Variants in FAAH2 observed in about 807,000 individuals in gnomAD.
FAAH2 encodes the protein fatty-acid amide hydrolase 2.
Under a neutral mutation model 36.9 loss-of-function variants are expected in FAAH2, and 60 were observed. The observed-to-expected ratio is 1.63, with a 90% CI of 1.32 to 2.02. The LOEUF (loss-of-function observed/expected upper bound fraction) is 2.02, where lower values mean the gene tolerates loss of function less well. Ranked by LOEUF, FAAH2 falls within the 30% of genes most tolerant of loss-of-function variation. The pLI, the probability that FAAH2 is intolerant of heterozygous loss-of-function variation, is 0.00. For synonymous variants in FAAH2, 214 were observed against 143.8 expected, an observed-to-expected ratio of 1.49 and a Z score of -3.49; for missense variants, 689 against 397.5, an observed-to-expected ratio of 1.73 and a Z score of -6.23.
chrX:57,182,114 C>T, the FAAH2 span, among the ~76,000 whole-genome samples: 25 of 111,431 alleles, frequency 2.2e-4, no homozygotes, highest in South Asian at 6.7e-3. Flanking sequence ...TAAAAACAAA[C>T]GAACAAAGCT....
At chrX:57,196,697 A>T in the FAAH2 span, among the ~76,000 whole-genome samples, 1 of 111,992 alleles carries the variant, frequency 8.9e-6, no homozygotes, top group South Asian at 3.8e-4. Flanking sequence ...TGGATATGCA[A>T]TAGATAGCTT....
At chrX:57,367,894 T>A (rs1196610996) in intron 5 of FAAH2, among the ~76,000 whole-genome samples, 2 of 111,749 alleles carry the variant, frequency 1.8e-5, no homozygotes, top group African/African-American at 3.3e-5. Flanking sequence ...AGAGCCCACA[T>A]TTGCCCCCGT....
At chrX:57,206,660 T>C in the FAAH2 span, among the ~76,000 whole-genome samples, 1 of 112,247 alleles carries the variant, frequency 8.9e-6, no homozygotes, top group African/African-American at 3.2e-5. Context: ...GAATTGTAAA[T>C]GCAAACCATT....
chrX:57,143,669 G>T, the FAAH2 span, among the ~76,000 whole-genome samples: 1 of 110,357 alleles, frequency 9.1e-6, no homozygotes, highest in African/African-American at 3.3e-5. Context: ...GTAGACAGGG[G>T]GTTTCTCCAT....
At chrX:57,261,890 G>A in the FAAH2 span, among the ~76,000 whole-genome samples, 13 of 111,221 alleles carry the variant, frequency 1.2e-4, no homozygotes, top group South Asian at 4.5e-3. Flanking sequence ...GATGTTGCAA[G>A]AAAGAAATTA....
At chrX:57,457,225 A>C (rs1197512934) in intron 10 of FAAH2, among the ~76,000 whole-genome samples, 1 of 111,844 alleles carries the variant, frequency 8.9e-6, no homozygotes, top group Admixed American at 9.5e-5. Context: ...TAGATACACA[A>C]AAAGCCTATA....
At chrX:57,292,922 A>AC (rs1216758329) in intron 2 of FAAH2, among the ~76,000 whole-genome samples, 2 of 110,898 alleles carry the variant, frequency 1.8e-5, no homozygotes, top group Admixed American at 9.6e-5. Flanking sequence ...TAATAGGAGA[A>AC]CCCCCCTACA....
chrX:57,286,693 T>G, upstream of FAAH2: 1 of 618,840 alleles, frequency 1.6e-6, no homozygotes, highest in Non-Finnish European at 2.2e-6. Flanking sequence ...CAAGCTCCTG[T>G]GGAATTGTGG....
intron 7 of FAAH2, among the ~76,000 whole-genome samples, chrX:57,424,697 A>C (rs1339976442): frequency 8.9e-6 from 1 of 112,278 alleles, no homozygotes; most frequent in Admixed American, 9.4e-5. Context: ...TACTCAACAA[A>C]CATTATAGTC....
At position 57,308,887 on chromosome X, in the gene FAAH2, A is replaced by G. The variant is rs2052616477; in HGVS notation, c.276-1706A>G. On this transcript the variant is annotated intron_variant, in intron 2 of 10. Coordinates refer to ENST00000374900, the MANE Select transcript of FAAH2 (RefSeq NM_174912.4). ...GAAGCAACTAAAATCCAGTGAAATGAAAGAGCTTGCATAGTTCACAAAACT... is the reference window on the plus strand; with the variant it reads ...GAAGCAACTAAAATCCAGTGAAATGGAAGAGCTTGCATAGTTCACAAAACT... 2.7e-5 allele frequency among the ~76,000 whole-genome samples: 3 copies of G among 111,961 alleles called. No homozygotes were observed. In the Admixed American group the frequency reaches 2.9e-4, roughly 11 times the overall value.
chrX:57,256,242 A>G, the FAAH2 span, among the ~76,000 whole-genome samples: 1 of 111,734 alleles, frequency 8.9e-6, no homozygotes, highest in Non-Finnish European at 1.9e-5. Flanking sequence ...TTCAAGGAGA[A>G]CTATAAACCA....
chrX:57,191,636 T>C, the FAAH2 span, among the ~76,000 whole-genome samples: 5 of 112,115 alleles, frequency 4.5e-5, no homozygotes, highest in East Asian at 1.1e-3. Context: ...CATTGAAGTC[T>C]TTAGTTCCTT....
intron 10 of FAAH2, among the ~76,000 whole-genome samples, chrX:57,479,356 C>A (rs1446272590): frequency 1.8e-5 from 2 of 111,918 alleles, no homozygotes; most frequent in African/African-American, 6.5e-5. Flanking sequence ...TGAGACTTTG[C>A]TGAAGTTGCT....
the FAAH2 span, among the ~76,000 whole-genome samples, chrX:57,175,546 A>C: frequency 1.8e-5 from 2 of 111,764 alleles, no homozygotes; most frequent in Admixed American, 9.5e-5. Flanking sequence ...TTTTAAGTGG[A>C]GCATTTAGAT....
intron 5 of FAAH2, among the ~76,000 whole-genome samples, chrX:57,353,099 A>G (rs1275544986): frequency 3.6e-5 from 4 of 110,473 alleles, no homozygotes; most frequent in Non-Finnish European, 5.7e-5. Context: ...ATTATAAAAA[A>G]TTAAAATTTA....
chrX:57,418,876 C>T (rs1337124642), intron 7 of FAAH2, among the ~76,000 whole-genome samples: 1 of 84,336 alleles, frequency 1.2e-5, no homozygotes, highest in Non-Finnish European at 2.3e-5. Context: ...CCCCCTCCCC[C>T]CACCCAACAG....
At chrX:57,243,952 G>A in the FAAH2 span, among the ~76,000 whole-genome samples, 4 of 108,673 alleles carry the variant, frequency 3.7e-5, no homozygotes, top group Non-Finnish European at 5.7e-5. Flanking sequence ...AACTCCTCTG[G>A]GCTAAAGGAG....
At chrX:57,162,223 G>A in the FAAH2 span, among the ~76,000 whole-genome samples, 1 of 112,027 alleles carries the variant, frequency 8.9e-6, no homozygotes, top group East Asian at 2.8e-4. Context: ...TTTCTGCCGA[G>A]AGATCCGCTG....
chrX:57,457,870 G>T (rs1009183027), intron 10 of FAAH2, among the ~76,000 whole-genome samples: 5 of 111,340 alleles, frequency 4.5e-5, no homozygotes, highest in Non-Finnish European at 9.4e-5. Context: ...TGGCCATACT[G>T]CCCAAAGCAA....
Sources: allele counts gnomAD v4.1 joint callset (sites outside exome capture counted in the v4.1 genomes callset), GRCh38; gene constraint gnomAD v4.1.1; transcripts MANE v1.5; gene names NCBI Gene and HGNC (gene_info 2026-07-23, HGNC 2026-07-21).